The following LRATD1 variants were observed in gnomAD, a reference collection of about 807,000 sequenced individuals.
The protein encoded by LRATD1 is LRAT domain containing 1.
A neutral mutation model predicts 21.3 loss-of-function variants in LRATD1; 8 were observed. The ratio of observed to expected loss-of-function variants is 0.38; its 90% confidence interval spans 0.22 to 0.68. The LOEUF (loss-of-function observed/expected upper bound fraction) is 0.68. LRATD1 is among the 30% of genes least tolerant of loss of function. LRATD1 has a pLI of 0.54. For synonymous variants in LRATD1, 210 were observed against 186.2 expected (o/e 1.13, Z -1.04); for missense variants, 380 against 404.0 (o/e 0.94, Z 0.51).
At chr2:14,646,394 T>A (rs1014633643) in intron 3 of LRATD1, 4 of 152,164 alleles carry the variant, frequency 2.6e-5, no homozygotes, top group African/African-American at 9.6e-5. Flanking sequence ...TTTTTCATCC[T>A]CAACTTTAGA....
chr2:14,641,313 G>A (rs1434984), downstream of LRATD1, among the ~76,000 whole-genome samples: 76,278 of 151,956 alleles, frequency 0.5, 22,779 homozygotes, highest in African/African-American at 0.85. Context: ...AGCCCCCATG[G>A]TCGTTGAGAG....
Position 14,636,529 on chromosome 2 carries a change from T to C in LRATD1, c.*1671T>C, listed in dbSNP as rs1430474627. The C allele has an allele frequency of 6.0e-6, 1 of 167,076 alleles. No individual in the cohort carries two copies. The highest frequency in any genetic ancestry group is 1.9e-4 in the East Asian group (1 of 5,206). The allele number at this position is 167,076 out of a possible 1,614,324, so 10.3% of individuals were successfully genotyped here. ...TTTTTCAAAAACTTAAGGCTGGGTG[T>C]GAAACACCTTCTGTGGACAAGGATT... On this transcript the variant is annotated 3_prime_UTR_variant, in exon 2 of 2. Coordinates refer to ENST00000295092, the MANE Select transcript of LRATD1 (RefSeq NM_145175.4).
Position 14,634,720 on chromosome 2 carries a change from G to T in LRATD1, c.741G>T (p.Val247=). ...CGCAGCAGCAGTACTATCTCAAGGT[G>T]CACCTGGGAGAGAACAAGGTCCACA... ...QPPQQQYYLK[V]HLGENKVHTA... is the part of the protein sequence containing the mutation. The change falls in exon 2 of 2, where the codon GTG becomes GTT. Residue 247 remains valine, a synonymous_variant. Coordinates refer to ENST00000295092, the MANE Select transcript of LRATD1 (RefSeq NM_145175.4). The T allele has an allele frequency of 1.9e-6, 3 of 1,555,154 alleles. No homozygotes were observed. Among genetic ancestry groups the T allele is most frequent in the Non-Finnish European group, 2.6e-6 (3 of 1,146,958 alleles).
Position 14,638,717 on chromosome 2 carries a change from G to C in LRATD1, c.*3859G>C, listed in dbSNP as rs888657677. ...ATACTTATTGCACAATCATAATATA[G>C]CAACCTAATTTTCTTTTATTTATAG... On this transcript the variant is annotated 3_prime_UTR_variant, in exon 2 of 2. Transcript: ENST00000295092. 1 of 166,840 alleles carries C rather than the reference G, an allele frequency of 6.0e-6. No individual in the cohort carries two copies. The highest frequency in any genetic ancestry group is 1.9e-4 in the East Asian group (1 of 5,184). The allele number at this position is 166,840 out of a possible 1,614,324, so 10.3% of individuals were successfully genotyped here.
chr2:14,634,756 T>G lies in LRATD1; in HGVS notation c.777T>G (p.Phe259Leu). 6.3e-7 allele frequency: 1 copy of G among 1,580,066 alleles called. No individual in the cohort carries two copies. Among genetic ancestry groups the G allele is most frequent in the Non-Finnish European group, 8.6e-7 (1 of 1,160,216 alleles). Residue 259 changes from phenylalanine (F) to leucine (L), a missense_variant, in exon 2 of 2, where the codon TTT (phenylalanine) becomes TTG (leucine). Transcript: ENST00000295092. ...LGENKVHTARFHSLEDLIREK... is the reference protein window; with the variant it reads ...LGENKVHTARLHSLEDLIREK... ...AGAACAAGGTCCACACCGCCAGGTT[T>G]CACAGCCTGGAAGACCTCATCCGCG...
chr2:14,634,491 C>T lies in LRATD1; in HGVS notation c.512C>T (p.Ala171Val), dbSNP rs1052968207. The stretch of plus-strand genomic sequence containing the variant: ...CAGGACAGCCTGTATGAGGCGGGCG[C>T]GGCCAACGTGGGCCGGGTGGTGAAT... ...IRQDSLYEAG[A>V]ANVGRVVNSW... The change falls in exon 2 of 2, where the codon GCG becomes GTG. Residue 171 changes from alanine to valine, a missense_variant. Coordinates refer to ENST00000295092, the MANE Select transcript of LRATD1 (RefSeq NM_145175.4). The T allele has an allele frequency of 1.3e-6, 2 of 1,509,114 alleles. No individual in the cohort carries two copies. The highest frequency in any genetic ancestry group is 8.8e-7 in the Non-Finnish European group (1 of 1,130,520). 93.5% of individuals were successfully genotyped at this position (1,509,114 alleles called of 1,614,324 possible). A position where few individuals can be genotyped will look rare whatever the true frequency, so the allele number is the denominator to read the frequency against.
downstream of LRATD1, among the ~76,000 whole-genome samples, chr2:14,651,703 T>G (rs569077831): frequency 1.3e-5 from 2 of 152,278 alleles, no homozygotes; most frequent in South Asian, 4.1e-4. Context: ...ATTTGCCTGT[T>G]TATATCTTTG....
rs1490036097 is a variant in LRATD1, at chr2:14,637,494, A to C, written c.*2636A>C. The C allele has an allele frequency of 1.2e-5, 2 of 167,004 alleles. No individual in the cohort carries two copies. The highest frequency in any genetic ancestry group is 2.9e-5 in the Non-Finnish European group (2 of 68,120). The allele number at this position is 167,004 out of a possible 1,614,324, so 10.3% of individuals were successfully genotyped here. ...TTACTATATTGGCCTATAAAGGATC[A>C]GGTTGATGATAATACCTCTAAAAAT... On this transcript the variant is annotated 3_prime_UTR_variant, in exon 2 of 2. Coordinates refer to ENST00000295092, the MANE Select transcript of LRATD1 (RefSeq NM_145175.4).
rs946374639 is a variant in LRATD1 at position 14,633,049 on chromosome 2, T to C, written c.-37+112T>C. The C allele has an allele frequency of 1.3e-5, 2 of 152,466 alleles. No homozygotes were observed. Among genetic ancestry groups the C allele is most frequent in the Admixed American group, 1.3e-4 (2 of 15,274 alleles). The allele number at this position is 152,466 out of a possible 1,614,324, so 9.4% of individuals were successfully genotyped here. Reference sequence around the variant, plus strand: ...TCTTTGGGCTAAAAGTGAACCTCTCTACACACACACGCTCCCACCCACACC... The same window carrying C: ...TCTTTGGGCTAAAAGTGAACCTCTCCACACACACACGCTCCCACCCACACC... On this transcript the variant is annotated intron_variant, in intron 1 of 1. Coordinates refer to ENST00000295092, the MANE Select transcript of LRATD1 (RefSeq NM_145175.4). The surrounding 1 kb of genome is among the most constrained non-coding windows in gnomAD (Gnocchi z 7.5).
In LRATD1 at chr2:14,635,289, C is replaced by G. The variant is rs1031099097; in HGVS notation, c.*431C>G. The G allele has an allele frequency of 6.1e-5, 30 of 492,060 alleles. No individual in the cohort carries two copies. The highest frequency in any genetic ancestry group is 2.6e-4 in the Admixed American group (11 of 43,112). 30.5% of individuals were successfully genotyped at this position (492,060 alleles called of 1,614,324 possible). On this transcript the variant is annotated 3_prime_UTR_variant, in exon 2 of 2. Transcript: ENST00000295092. The stretch of plus-strand genomic sequence containing the variant: ...CCCGAGCGTGCGCACACAGACCGGT[C>G]GGAGGCGAGAACTGGTCTCTACAGG...
downstream of LRATD1, among the ~76,000 whole-genome samples, chr2:14,640,611 G>A (rs2103411254): frequency 6.6e-6 from 1 of 152,294 alleles, no homozygotes; most frequent in Non-Finnish European, 1.5e-5. Context: ...TGTTCTATTT[G>A]AGAGCTTCTT....
downstream of LRATD1, among the ~76,000 whole-genome samples, chr2:14,651,339 G>C (rs1294077898): frequency 6.6e-6 from 1 of 152,060 alleles, no homozygotes. Flanking sequence ...TCTGTGGATT[G>C]CATCTAGCTC....
In LRATD1 at chr2:14,633,873, G is replaced by A; in HGVS notation, c.-36-71G>A. 2.1e-6 allele frequency: 3 copies of A among 1,424,182 alleles called. No individual in the cohort carries two copies. The highest frequency in any genetic ancestry group is 2.2e-5 in the Admixed American group (1 of 44,872). 88.2% of individuals were successfully genotyped at this position (1,424,182 alleles called of 1,614,324 possible). A position where few individuals can be genotyped will look rare whatever the true frequency, so the allele number is the denominator to read the frequency against. ...CCGGCAGGTCCCAGGGGCACTGCAC[G>A]TCTTGGGGAGGGACACCGAAAGGGG... On this transcript the variant is annotated intron_variant, in intron 1 of 1. Transcript: ENST00000295092. This position sits in a 1 kb window ranked among gnomAD's most constrained non-coding sequence, Gnocchi z 7.5.
chr2:14,634,102 G>A lies in LRATD1; in HGVS notation c.123G>A (p.Glu41=), dbSNP rs1341534840. 1.2e-6 allele frequency: 2 copies of A among 1,614,160 alleles called. No individual in the cohort carries two copies. Among genetic ancestry groups the A allele is most frequent in the South Asian group, 1.1e-5 (1 of 91,080 alleles). The part of the protein sequence containing the change: ...VGVAYFFSDD[E]EDLDERGQPD... ...TTGCCTACTTCTTCTCGGATGATGA[G>A]GAAGACCTGGACGAACGCGGGCAGC... The change falls in exon 2 of 2, where the codon GAG becomes GAA. Residue 41 remains glutamate (E), a synonymous_variant. Transcript: ENST00000295092.
chr2:14,648,557 C>A (rs922916979), intron 4 of LRATD1, among the ~76,000 whole-genome samples: 2 of 152,152 alleles, frequency 1.3e-5, no homozygotes, highest in African/African-American at 4.8e-5. Context: ...TTATGTCTGC[C>A]TTTGCATTCA....
downstream of LRATD1, chr2:14,641,885 T>C (rs1671809894): frequency 6.6e-6 from 1 of 152,246 alleles, no homozygotes; most frequent in Non-Finnish European, 1.5e-5. Context: ...TTTAGTCATT[T>C]TCTTTTGTAG....
chr2:14,647,125 A>T (rs1286359698), intron 4 of LRATD1, among the ~76,000 whole-genome samples: 1 of 152,220 alleles, frequency 6.6e-6, no homozygotes, highest in East Asian at 1.9e-4. Context: ...GATGAAGCTG[A>T]CTAAATGTCT....
At chr2:14,648,186 T>C (rs1249867039) in intron 4 of LRATD1, among the ~76,000 whole-genome samples, 5 of 152,184 alleles carry the variant, frequency 3.3e-5, no homozygotes, top group Admixed American at 2.6e-4. Flanking sequence ...ATTGTATCCC[T>C]CAGTCTGTAG....
chr2:14,651,874 C>A (rs142427138), downstream of LRATD1, among the ~76,000 whole-genome samples: 332 of 151,990 alleles, frequency 2.2e-3, 11 homozygotes, highest in East Asian at 0.053. Flanking sequence ...GGTAAATGTA[C>A]ATATTGTAAG....
Sources: allele counts gnomAD v4.1 joint callset (sites outside exome capture counted in the v4.1 genomes callset), GRCh38; gene constraint gnomAD v4.1.1; non-coding constraint Gnocchi (gnomAD v3.1); transcripts MANE v1.5; gene names NCBI Gene and HGNC (gene_info 2026-07-23, HGNC 2026-07-21).